Variants in TRAPPC9 observed in about 807,000 individuals in gnomAD.
TRAPPC9 encodes the protein IKK2 binding protein.
In TRAPPC9, 83 loss-of-function variants were observed where a neutral mutation model predicts 124.0. That is an observed-to-expected ratio of 0.67 (90% CI 0.56 to 0.80). The LOEUF (loss-of-function observed/expected upper bound fraction) is 0.80. Among genes scored for constraint, TRAPPC9 ranks in the 30% least tolerant of loss-of-function variants. The pLI is 0.00. For synonymous variants in TRAPPC9, 638 were observed against 617.5 expected (o/e 1.03, Z -0.49); for missense variants, 1,302 against 1,508.3 (o/e 0.86, Z 2.27).
intron 17 of TRAPPC9, among the ~76,000 whole-genome samples, chr8:140,121,773 CT>C (rs1268299526): frequency 6.6e-6 from 1 of 152,188 alleles, no homozygotes; most frequent in Non-Finnish European, 1.5e-5. Context: ...CTCTGTGCTC[CT>C]TCCAGTAGGG....
chr8:140,311,967 C>G (rs1008346058), intron 9 of TRAPPC9, among the ~76,000 whole-genome samples: 1 of 152,194 alleles, frequency 6.6e-6, no homozygotes, highest in Non-Finnish European at 1.5e-5. Flanking sequence ...TCTAGACAGG[C>G]CACGGACACA....
chr8:140,104,804 G>C lies in TRAPPC9; in HGVS notation c.2557-80725C>G, dbSNP rs1221851648. Among the ~76,000 whole-genome samples, 2 of 152,184 alleles carry C rather than the reference G, an allele frequency of 1.3e-5. No individual in the cohort carries two copies. The highest frequency in any genetic ancestry group is 2.9e-5 in the Non-Finnish European group (2 of 68,032). Reference sequence around the variant, plus strand: ...TCTTAAACATCCTTCTTGTGATTAGGACATTTCCCAGAGTTGCCTCGAACT... The same window carrying C: ...TCTTAAACATCCTTCTTGTGATTAGCACATTTCCCAGAGTTGCCTCGAACT... On this transcript the variant is annotated intron_variant, in intron 17 of 22. Coordinates refer to ENST00000438773, the MANE Select transcript of TRAPPC9 (RefSeq NM_001160372.4). This position sits in a 1 kb window ranked among gnomAD's most constrained non-coding sequence, Gnocchi z 4.0.
intron 10 of TRAPPC9, among the ~76,000 whole-genome samples, chr8:140,301,427 T>A (rs1293280930): frequency 1.3e-5 from 2 of 152,234 alleles, no homozygotes; most frequent in African/African-American, 4.8e-5. Context: ...ATTGTCTCCA[T>A]GTCATCAATA....
chr8:140,330,282 T>C (rs2066862418), intron 9 of TRAPPC9, among the ~76,000 whole-genome samples: 1 of 152,082 alleles, frequency 6.6e-6, no homozygotes, highest in Non-Finnish European at 1.5e-5. Flanking sequence ...GGTAGCATAA[T>C]GGTCTACCTA....
chr8:140,012,948 A>T (rs966117367), intron 18 of TRAPPC9, among the ~76,000 whole-genome samples: 1 of 152,182 alleles, frequency 6.6e-6, no homozygotes, highest in African/African-American at 2.4e-5. Context: ...CAGGGTGTGT[A>T]GCAAGGCAAC....
chr8:140,451,245 C>G lies in TRAPPC9; in HGVS notation c.129G>C (p.Gln43His), dbSNP rs753431103. The change falls in exon 2 of 23, where the codon CAG becomes CAC. Residue 43 changes from glutamine (Q) to histidine (H), a missense_variant. Transcript: ENST00000438773. ...CTCGCTGGGAGTCCCGCACGCTGAT[C>G]TGACTCACAGAGCAAATCCTCTTAT... is the stretch of plus-strand genomic sequence containing the variant. ...RIYKRICSVS[Q>H]ISVRDSQRVL... 6.2e-7 allele frequency: 1 copy of G among 1,613,818 alleles called. No homozygotes were observed. The highest frequency in any genetic ancestry group is 1.1e-5 in the South Asian group (1 of 91,090).
In TRAPPC9 at chr8:140,037,888, A is replaced by ACACACC. The variant is rs972313595; in HGVS notation, c.2557-13810_2557-13809insGGTGTG. 1.0e-4 allele frequency among the ~76,000 whole-genome samples: 15 copies of ACACACC among 143,910 alleles called. 1 individual carries two copies. Among genetic ancestry groups the ACACACC allele is most frequent in the African/African-American group, 3.3e-4 (13 of 39,762 alleles). The allele number at this position is 143,910 out of a possible 152,430, so 94.4% of individuals were successfully genotyped here. On this transcript the variant is annotated intron_variant, in intron 17 of 22. Coordinates refer to ENST00000438773, the MANE Select transcript of TRAPPC9 (RefSeq NM_001160372.4). ...CCCAACACACACCTCCAACACACAC[A>ACACACC]CACACACACACACACACACACACCC...
chr8:140,115,928 G>A (rs562948942), intron 17 of TRAPPC9, among the ~76,000 whole-genome samples: 2 of 152,192 alleles, frequency 1.3e-5, no homozygotes, highest in African/African-American at 2.4e-5. Flanking sequence ...ACCACCTGGC[G>A]CACAACAGGT....
intron 17 of TRAPPC9, among the ~76,000 whole-genome samples, chr8:140,043,360 G>GA (rs1179752745): frequency 1.3e-5 from 2 of 152,082 alleles, no homozygotes; most frequent in Admixed American, 6.5e-5. Context: ...CCATCCTACA[G>GA]AAAAAAAGCC....
chr8:139,908,447 G>A (rs887255968), intron 20 of TRAPPC9, among the ~76,000 whole-genome samples: 1 of 152,162 alleles, frequency 6.6e-6, no homozygotes, highest in South Asian at 2.1e-4. Context: ...AAGACAGAAA[G>A]ATTATCAGAA....
At chr8:140,174,711 T>C (rs953658838) in intron 17 of TRAPPC9, among the ~76,000 whole-genome samples, 1 of 152,188 alleles carries the variant, frequency 6.6e-6, no homozygotes, top group African/African-American at 2.4e-5. Context: ...TAACGATGTT[T>C]TCAAGGTGCA....
chr8:140,375,517 G>A (rs1467303326), intron 7 of TRAPPC9, among the ~76,000 whole-genome samples: 2 of 152,232 alleles, frequency 1.3e-5, no homozygotes, highest in Admixed American at 1.3e-4. Flanking sequence ...CTGGCAGGAT[G>A]GAGAGGGAGG....
intron 15 of TRAPPC9, among the ~76,000 whole-genome samples, chr8:140,266,319 C>T (rs1327324203): frequency 3.3e-5 from 5 of 151,910 alleles, no homozygotes; most frequent in Non-Finnish European, 5.9e-5. Context: ...AAAAATTAGC[C>T]GGGTGTGGTG....
At chr8:139,751,477 T>G (rs1230927018) in intron 21 of TRAPPC9, among the ~76,000 whole-genome samples, 1 of 152,166 alleles carries the variant, frequency 6.6e-6, no homozygotes, top group Non-Finnish European at 1.5e-5. Flanking sequence ...CTTCCAATAC[T>G]AGCTTGTGGC....
intron 11 of TRAPPC9, among the ~76,000 whole-genome samples, chr8:140,293,543 G>T (rs1025361027): frequency 9.2e-5 from 14 of 152,274 alleles, no homozygotes; most frequent in African/African-American, 2.6e-4. Flanking sequence ...CCATAAAAAA[G>T]GATGAGTTCA....
chr8:139,978,876 C>T (rs537519639), intron 19 of TRAPPC9, among the ~76,000 whole-genome samples: 9 of 149,396 alleles, frequency 6.0e-5, no homozygotes, highest in Admixed American at 3.4e-4. Context: ...GATCGCAACG[C>T]GTCTCTGCTC....
rs534594039 is a variant in TRAPPC9 at position 139,775,554 on chromosome 8, G to C, written c.3056-43352C>G. On this transcript the variant is annotated intron_variant, in intron 21 of 22. Coordinates refer to ENST00000438773, the MANE Select transcript of TRAPPC9 (RefSeq NM_001160372.4). The stretch of plus-strand genomic sequence containing the variant: ...GGCCGAGGCCACATCTCCAGGGGAA[G>C]GGTGTGGGCTAACTGGGGGCACGGC... Among the ~76,000 whole-genome samples, 642 of 152,352 alleles carry C rather than the reference G, an allele frequency of 4.2e-3. 9 individuals are homozygous for C. Among genetic ancestry groups the C allele is most frequent in the African/African-American group, 0.015 (632 of 41,590 alleles).
intron 17 of TRAPPC9, among the ~76,000 whole-genome samples, chr8:140,037,720 CA>C: frequency 2.1e-5 from 1 of 46,886 alleles, no homozygotes; most frequent in Non-Finnish European, 8.7e-5. Context: ...ACATACACCA[CA>C]CACCCAATAC....
At chr8:140,248,017 G>A (rs747310469) in intron 16 of TRAPPC9, among the ~76,000 whole-genome samples, 21 of 151,788 alleles carry the variant, frequency 1.4e-4, no homozygotes, top group Admixed American at 4.6e-4. Flanking sequence ...ATGTTATCTC[G>A]CTGCTTATGT....
Sources: allele counts gnomAD v4.1 joint callset (sites outside exome capture counted in the v4.1 genomes callset), GRCh38; gene constraint gnomAD v4.1.1; non-coding constraint Gnocchi (gnomAD v3.1); transcripts MANE v1.5; gene names NCBI Gene and HGNC (gene_info 2026-07-23, HGNC 2026-07-21).